The following FRMD4B variants were observed in gnomAD, a reference collection of about 807,000 sequenced individuals.
The protein encoded by FRMD4B is FERM domain-containing protein 4B.
FRMD4B carries 74 observed loss-of-function variants against 141.5 expected under a neutral mutation model. The observed-to-expected ratio is 0.52, with a 90% CI of 0.43 to 0.63. The LOEUF (loss-of-function observed/expected upper bound fraction) is 0.63, where lower values mean the gene tolerates loss of function less well. Ranked by LOEUF, FRMD4B falls within the 30% of genes least tolerant of loss-of-function variation. FRMD4B has a pLI of 0.00. For missense variants in FRMD4B, 1,366 were observed against 1,253.4 expected, an observed-to-expected ratio of 1.09 and a Z score of -1.36; for synonymous variants, 506 against 467.9, an observed-to-expected ratio of 1.08 and a Z score of -1.05.
At chr3:69,416,186 C>G (rs951994069) in intron 2 of FRMD4B, among the ~76,000 whole-genome samples, 5 of 152,148 alleles carry the variant, frequency 3.3e-5, no homozygotes, top group African/African-American at 1.2e-4. Flanking sequence ...CCCAAAGATG[C>G]AAAGCAGGTA....
intron 14 of FRMD4B, among the ~76,000 whole-genome samples, 172 bp downstream of exon 14, chr3:69,196,083 T>G (rs1250259146): frequency 6.6e-6 from 1 of 152,244 alleles, no homozygotes; most frequent in Non-Finnish European, 1.5e-5. Context: ...TTCTACATAT[T>G]CTTTAAAAAA....
At chr3:69,331,370 G>C (rs1381245515) in intron 1 of FRMD4B, among the ~76,000 whole-genome samples, 1 of 152,194 alleles carries the variant, frequency 6.6e-6, no homozygotes, top group Non-Finnish European at 1.5e-5. Flanking sequence ...AGCCCCTGGG[G>C]AGTCAGACAG....
At chr3:69,530,114 G>A (rs1211868176) in intron 1 of FRMD4B, among the ~76,000 whole-genome samples, 3 of 152,244 alleles carry the variant, frequency 2.0e-5, no homozygotes, top group Non-Finnish European at 4.4e-5. Context: ...ATTGTCTGCA[G>A]CCATTCTTGC....
Position 69,466,370 on chromosome 3 carries a change from T to C in FRMD4B, c.-128-33609A>G, listed in dbSNP as rs377763476. Among the ~76,000 whole-genome samples the C allele has an allele frequency of 2.2e-4, 33 of 152,304 alleles. 1 individual carries two copies. The highest frequency in any genetic ancestry group is 5.8e-4 in the African/African-American group (24 of 41,572). On this transcript the variant is annotated intron_variant, in intron 1 of 5. Transcript: ENST00000459638. ...TGTTCACTCTGATGATAGTTTCTTTTGCTGTGCAGAAGCTCTTTAGTTTGA... is the reference window on the plus strand; with the variant it reads ...TGTTCACTCTGATGATAGTTTCTTTCGCTGTGCAGAAGCTCTTTAGTTTGA...
chr3:69,472,459 C>G (rs989869155), intron 1 of FRMD4B: 2 of 429,914 alleles, frequency 4.7e-6, no homozygotes, highest in African/African-American at 2.1e-5. Context: ...GGAAGACCAG[C>G]CAGTACAACC....
At position 69,279,781 on chromosome 3, in the gene FRMD4B, TCTCCTCCTC is replaced by T. The variant is rs144074081; in HGVS notation, c.501+7962_501+7970del. Among the ~76,000 whole-genome samples, 13 of 72,348 alleles carry T rather than the reference TCTCCTCCTC, an allele frequency of 1.8e-4. No individual in the cohort carries two copies. In the East Asian group the frequency reaches 6.6e-3, roughly 37 times the overall value. 47.5% of individuals were successfully genotyped at this position (72,348 alleles called of 152,430 possible). A position where few individuals can be genotyped will look rare whatever the true frequency, so the allele number is the denominator to read the frequency against. ...CCTCCTTCTCCTCCTCCCCTCCTCC[TCTCCTCCTC>T]CTCCTCCTCCTCCTCCTCTTCCTTC... On this transcript the variant is annotated intron_variant, in intron 5 of 22. Transcript: ENST00000398540.
chr3:69,454,057 C>G (rs1371640425), intron 1 of FRMD4B, among the ~76,000 whole-genome samples: 1 of 152,152 alleles, frequency 6.6e-6, no homozygotes, highest in East Asian at 1.9e-4. Flanking sequence ...CCAGGACAAT[C>G]AAATAAATAA....
intron 9 of FRMD4B, among the ~76,000 whole-genome samples, chr3:69,221,613 A>T (rs940029035): frequency 6.6e-6 from 1 of 152,182 alleles, no homozygotes; most frequent in Non-Finnish European, 1.5e-5. Context: ...CACAGTCCCC[A>T]CCATTCTCTA....
intron 4 of FRMD4B, among the ~76,000 whole-genome samples, chr3:69,297,295 T>G (rs1404142610): frequency 3.9e-5 from 6 of 152,162 alleles, no homozygotes; most frequent in Non-Finnish European, 8.8e-5. Flanking sequence ...GCAGCAATTT[T>G]CACCCAGAGG....
intron 11 of FRMD4B, among the ~76,000 whole-genome samples, chr3:69,204,661 C>T (rs1437440199): frequency 6.6e-6 from 1 of 152,198 alleles, no homozygotes; most frequent in African/African-American, 2.4e-5. Context: ...TACCTTCTTT[C>T]CATCAAATGT....
chr3:69,479,876 T>C (rs959644828), intron 1 of FRMD4B, among the ~76,000 whole-genome samples: 2 of 152,234 alleles, frequency 1.3e-5, no homozygotes, highest in African/African-American at 4.8e-5. Context: ...TTTCACATAG[T>C]CCCATATTTC....
intron 1 of FRMD4B, among the ~76,000 whole-genome samples, chr3:69,444,255 C>A (rs938615862): frequency 6.6e-6 from 1 of 152,138 alleles, no homozygotes; most frequent in African/African-American, 2.4e-5. Flanking sequence ...TTGTTTACTG[C>A]AATAATGCTG....
intron 21 of FRMD4B, among the ~76,000 whole-genome samples, chr3:69,176,951 A>T (rs1237806493): frequency 1.5e-5 from 1 of 65,804 alleles, no homozygotes; most frequent in African/African-American, 5.6e-5. Context: ...AATCTTTAGC[A>T]CTGTACTTGA....
At chr3:69,337,710 T>G (rs1381439696) in intron 1 of FRMD4B, among the ~76,000 whole-genome samples, 1 of 152,226 alleles carries the variant, frequency 6.6e-6, no homozygotes, top group Non-Finnish European at 1.5e-5. Context: ...GAAAGAATGC[T>G]CATCATCACT....
At chr3:69,238,029 T>C (rs1406782639) in intron 7 of FRMD4B, among the ~76,000 whole-genome samples, 1 of 152,118 alleles carries the variant, frequency 6.6e-6, no homozygotes, top group Non-Finnish European at 1.5e-5. Flanking sequence ...ACAGCGCCCA[T>C]CCACTTTGGG....
At chr3:69,304,290 C>G (rs1322685586) in intron 3 of FRMD4B, among the ~76,000 whole-genome samples, 1 of 151,890 alleles carries the variant, frequency 6.6e-6, no homozygotes, top group South Asian at 2.1e-4. Flanking sequence ...TTAAGATCAG[C>G]CTGGCCAACA....
At position 69,196,265 on chromosome 3, in the gene FRMD4B, T is replaced by C; in HGVS notation, c.1224A>G (p.Leu408=). 1.2e-6 allele frequency: 2 copies of C among 1,602,388 alleles called. No homozygotes were observed. The highest frequency in any genetic ancestry group is 1.7e-6 in the Non-Finnish European group (2 of 1,176,546). The part of the protein sequence containing the change: ...SQFIMASNGS[L]ISSGSQDSEV... The stretch of plus-strand genomic sequence containing the variant: ...ATCCCAAGATGTTACCTGAGGAGAT[T>C]AAACTGCCATTACTTGCCATGATGA... The change falls in exon 14 of 23, where the codon TTA becomes TTG. Residue 408 remains leucine, a synonymous_variant. Coordinates refer to ENST00000398540, the MANE Select transcript of FRMD4B (RefSeq NM_015123.3).
At chr3:69,287,505 G>T (rs1700726098) in intron 5 of FRMD4B, 2 of 464,020 alleles carry the variant, frequency 4.3e-6, no homozygotes, top group South Asian at 5.6e-5. Flanking sequence ...TTATTTGCTG[G>T]ATTTAAAGTA....
Position 69,479,210 on chromosome 3 carries a change from A to C in FRMD4B, c.-128-46449T>G, listed in dbSNP as rs551063023. Among the ~76,000 whole-genome samples, 57 of 150,820 alleles carry C rather than the reference A, an allele frequency of 3.8e-4. No homozygotes were observed. The East Asian group carries it at 9.7e-3, about 26-fold the overall frequency. On this transcript the variant is annotated intron_variant, in intron 1 of 5. Coordinates refer to the FRMD4B transcript ENST00000459638. Reference sequence around the variant, plus strand: ...TGGAGCATTTAGTCCATTTACATTTAAGGTTAATATTGTTATGTGTGAATT... The same window carrying C: ...TGGAGCATTTAGTCCATTTACATTTCAGGTTAATATTGTTATGTGTGAATT...
Sources: allele counts gnomAD v4.1 joint callset (sites outside exome capture counted in the v4.1 genomes callset), GRCh38; gene constraint gnomAD v4.1.1; transcripts MANE v1.5; gene names NCBI Gene and HGNC (gene_info 2026-07-23, HGNC 2026-07-21).